The following PTK2B variants were observed in gnomAD, a reference collection of about 807,000 sequenced individuals.
PTK2B encodes protein tyrosine kinase 2 beta.
Under a neutral mutation model 142.9 loss-of-function variants are expected in PTK2B, and 71 were observed. The ratio of observed to expected loss-of-function variants is 0.50; its 90% CI spans 0.41 to 0.61. The LOEUF is 0.61. Among genes scored for constraint, PTK2B ranks in the 20% least tolerant of loss-of-function variants. The pLI is 0.00. For synonymous variants in PTK2B, 519 were observed against 503.4 expected (o/e 1.03, Z -0.42); for missense variants, 1,105 against 1,320.4 (o/e 0.84, Z 2.53).
intron 1 of PTK2B, among the ~76,000 whole-genome samples, chr8:27,359,541 T>C (rs971998315): frequency 5.3e-5 from 8 of 152,218 alleles, no homozygotes; most frequent in Non-Finnish European, 7.3e-5. Flanking sequence ...ATCGTCACTG[T>C]GAATTGGGGC....
chr8:27,395,030 C>T (rs1037672067), intron 1 of PTK2B, among the ~76,000 whole-genome samples: 2 of 152,050 alleles, frequency 1.3e-5, no homozygotes, highest in Non-Finnish European at 2.9e-5. Flanking sequence ...TTCTGGATAC[C>T]CCCTGAAGGA....
chr8:27,432,066 G>T, intron 9 of PTK2B, 194 bp from the exon 10 acceptor site: 1 of 510,824 alleles, frequency 2.0e-6, no homozygotes. Context: ...TTCTTCCAAT[G>T]TGGCCCAGGG....
rs769637791 is a variant in PTK2B at position 27,458,413 on chromosome 8, G to A, written c.2934G>A (p.Thr978=). The change falls in exon 31 of 31, where the codon ACG becomes ACA. Residue 978 remains threonine (T), a synonymous_variant. Transcript: ENST00000346049. ...AGGAGTGCAAGAGGCAGATGCTGAC[G>A]GCTTCACACACCCTGGCTGTGGACG... ...LSEECKRQML[T]ASHTLAVDAK... The A allele has an allele frequency of 9.3e-6, 15 of 1,612,558 alleles. No individual in the cohort carries two copies. The highest frequency in any genetic ancestry group is 8.4e-5 in the Admixed American group (5 of 59,820).
chr8:27,429,913 G>T (rs1407613341), intron 5 of PTK2B, among the ~76,000 whole-genome samples, 180 bp from the exon 6 acceptor site: 1 of 152,176 alleles, frequency 6.6e-6, no homozygotes, highest in Admixed American at 6.5e-5. Context: ...AATGACATTT[G>T]TGGGGTTTCC....
chr8:27,323,832 T>C (rs540803826), upstream of PTK2B, among the ~76,000 whole-genome samples: 230 of 152,346 alleles, frequency 1.5e-3, no homozygotes, highest in Non-Finnish European at 2.7e-3. Context: ...TTTAAAGTGC[T>C]GAAGAATTCA....
chr8:27,414,944 AGAT>A (rs1809308908), intron 2 of PTK2B, among the ~76,000 whole-genome samples: 2 of 152,220 alleles, frequency 1.3e-5, no homozygotes, highest in African/African-American at 4.8e-5. Flanking sequence ...AAAGAAAAGA[AGAT>A]AGAAAGGTAG....
At chr8:27,420,953 C>T (rs1723897848) in intron 4 of PTK2B, among the ~76,000 whole-genome samples, 1 of 152,172 alleles carries the variant, frequency 6.6e-6, no homozygotes, top group Non-Finnish European at 1.5e-5. Context: ...CTAAACTGCC[C>T]CATGTGCTCC....
rs1879184 is a variant in PTK2B, at chr8:27,454,186, T to A, written c.2628T>A (p.Thr876=). 4 of 1,613,964 alleles carry A rather than the reference T, an allele frequency of 2.5e-6. No individual in the cohort carries two copies. In the East Asian group the frequency reaches 6.7e-5, roughly 27 times the overall value. ...AGCCCACAGCTAACCTGGACCGGAC[T>A]GATGACCTGGTGTACCTCAATGTCA... ...SIQPTANLDR[T]DDLVYLNVME... The change falls in exon 29 of 31, where the codon ACT becomes ACA. Residue 876 remains threonine, a synonymous_variant. Coordinates refer to ENST00000346049, the MANE Select transcript of PTK2B (RefSeq NM_173176.3).
chr8:27,365,407 T>C (rs1805962539), intron 1 of PTK2B, among the ~76,000 whole-genome samples: 1 of 152,214 alleles, frequency 6.6e-6, no homozygotes, highest in Non-Finnish European at 1.5e-5. Flanking sequence ...GACACCTTAA[T>C]CTTGGCCTCT....
chr8:27,399,546 C>A (rs901816829), intron 2 of PTK2B, among the ~76,000 whole-genome samples: 4 of 152,054 alleles, frequency 2.6e-5, no homozygotes, highest in African/African-American at 7.2e-5. Context: ...TAAGCAGGGG[C>A]AAGATATTCC....
At chr8:27,365,173 T>C (rs1248023808) in intron 1 of PTK2B, among the ~76,000 whole-genome samples, 1 of 152,236 alleles carries the variant, frequency 6.6e-6, no homozygotes, top group Non-Finnish European at 1.5e-5. Flanking sequence ...CCAGACATAA[T>C]TTCATGTCCC....
chr8:27,450,656 C>A lies in PTK2B; in HGVS notation c.2341-93C>A, dbSNP rs1811745177. 2.7e-6 allele frequency: 4 copies of A among 1,494,290 alleles called. No individual in the cohort carries two copies. The Admixed American group carries it at 5.8e-5, about 22-fold the overall frequency. 92.6% of individuals were successfully genotyped at this position (1,494,290 alleles called of 1,614,324 possible). On this transcript the variant is annotated intron_variant, in intron 24 of 30. Coordinates refer to ENST00000346049, the MANE Select transcript of PTK2B (RefSeq NM_173176.3). ...AAGCAGCTGGCCAGGCCAAGGCTTG[C>A]AGCTGCCATGAGGTTCTTCAGAGGA...
intron 1 of PTK2B, among the ~76,000 whole-genome samples, chr8:27,347,784 T>C (rs1396917348): frequency 1.3e-5 from 2 of 152,222 alleles, no homozygotes; most frequent in African/African-American, 4.8e-5. Flanking sequence ...GAACATTCTA[T>C]CTTAGCATCA....
chr8:27,439,513 T>C lies in PTK2B; in HGVS notation c.1834+115T>C, dbSNP rs557204006. ...GACCTCCACCCTCCGTTCCCAGGGTTCTATTTTGCTGTGGCCACTGAGAAG... is the reference window on the plus strand; with the variant it reads ...GACCTCCACCCTCCGTTCCCAGGGTCCTATTTTGCTGTGGCCACTGAGAAG... On this transcript the variant is annotated intron_variant, in intron 20 of 30. Coordinates refer to ENST00000346049, the MANE Select transcript of PTK2B (RefSeq NM_173176.3). The C allele has an allele frequency of 1.9e-4, 222 of 1,176,386 alleles. No homozygotes were observed. In the African/African-American group the frequency reaches 3.0e-3, roughly 16 times the overall value. The allele number at this position is 1,176,386 out of a possible 1,614,324, so 72.9% of individuals were successfully genotyped here. A position where few individuals can be genotyped will look rare whatever the true frequency, so the allele number is the denominator to read the frequency against.
chr8:27,373,448 T>C (rs1194507294), intron 1 of PTK2B, among the ~76,000 whole-genome samples: 1 of 150,500 alleles, frequency 6.6e-6, no homozygotes, highest in African/African-American at 2.5e-5. Flanking sequence ...CTGGAGAGAA[T>C]TGGCCTTGGG....
At chr8:27,451,384 C>G (rs1234110269) in intron 26 of PTK2B, 101 bp from the exon 27 acceptor site, 11 of 1,565,638 alleles carry the variant, frequency 7.0e-6, no homozygotes, top group Non-Finnish European at 8.7e-6. Flanking sequence ...GCTGTAATCT[C>G]TAAACACACA....
intron 26 of PTK2B, 63 bp downstream of exon 26, chr8:27,451,141 G>C: frequency 6.4e-7 from 1 of 1,558,316 alleles, no homozygotes; most frequent in Non-Finnish European, 8.8e-7. Context: ...GCCCACCATA[G>C]GACCCCCCGC....
Position 27,454,434 on chromosome 8 carries a change from G to A in PTK2B, c.2734-97G>A, listed in dbSNP as rs1241424501. On this transcript the variant is annotated intron_variant, in intron 29 of 30. Coordinates refer to ENST00000346049, the MANE Select transcript of PTK2B (RefSeq NM_173176.3). Reference sequence around the variant, plus strand: ...GGAATTGAGTCCCAGGCCACTCGCGGGGGACAAGCACCACCCCAGGAGAGC... The same window carrying A: ...GGAATTGAGTCCCAGGCCACTCGCGAGGGACAAGCACCACCCCAGGAGAGC... 4.5e-6 allele frequency: 7 copies of A among 1,551,282 alleles called. No homozygotes were observed. The African/African-American group carries it at 6.8e-5, about 15-fold the overall frequency.
intron 1 of PTK2B, among the ~76,000 whole-genome samples, chr8:27,342,653 A>T (rs1172811569): frequency 1.3e-5 from 2 of 151,970 alleles, no homozygotes; most frequent in Non-Finnish European, 2.9e-5. Flanking sequence ...CACCTCTGCC[A>T]TGTGCTTCTC....
Sources: gnomAD v4.1 joint callset for allele counts (sites outside exome capture counted in the v4.1 genomes callset) on GRCh38, gnomAD v4.1.1 for gene constraint, MANE v1.5 for transcripts, NCBI Gene and HGNC (gene_info 2026-07-23, HGNC 2026-07-21) for gene names.